Variants in RPS6KA2 observed in about 807,000 individuals in gnomAD.
RPS6KA2 encodes the protein ribosomal protein S6 kinase alpha-2.
Under a neutral mutation model 91.8 loss-of-function variants are expected in RPS6KA2, and 42 were observed. That is an observed-to-expected ratio of 0.46 (90% CI 0.36 to 0.59). The LOEUF (loss-of-function observed/expected upper bound fraction) is 0.59, where lower values mean the gene tolerates loss of function less well. Among genes scored for constraint, RPS6KA2 ranks in the 20% least tolerant of loss-of-function variants. The pLI is 0.00. For synonymous variants in RPS6KA2, 414 were observed against 393.6 expected (o/e 1.05, Z -0.61); for missense variants, 798 against 978.5 (o/e 0.82, Z 2.46).
Position 166,451,125 on chromosome 6 carries a change from A to T in RPS6KA2, c.1184T>A (p.Val395Asp). ...QEPSQQDLHK[V>D]PVHPIVQQLH... The stretch of plus-strand genomic sequence containing the variant: ...TACCTGCACGATTGGGTGAACTGGG[A>T]CTTTGTGCAGATCTTGCTGTGAGGG... The change falls in exon 13 of 21, where the codon GTC (valine) becomes GAC (aspartate). Residue 395 changes from valine (V) to aspartate (D), a missense_variant. Physicochemically the swap from Val to Asp is radical, Grantham distance 152. Coordinates refer to ENST00000265678, the MANE Select transcript of RPS6KA2 (RefSeq NM_021135.6). The T allele has an allele frequency of 1.9e-6, 3 of 1,614,090 alleles. No individual in the cohort carries two copies. Among genetic ancestry groups the T allele is most frequent in the Non-Finnish European group, 2.5e-6 (3 of 1,179,990 alleles).
At chr6:166,481,189 A>C (rs1451346804) in intron 10 of RPS6KA2, among the ~76,000 whole-genome samples, 1 of 152,250 alleles carries the variant, frequency 6.6e-6, no homozygotes, top group Non-Finnish European at 1.5e-5. Context: ...TCATTTTTCA[A>C]GTTTAAAAGG....
intron 1 of RPS6KA2, among the ~76,000 whole-genome samples, chr6:166,600,617 G>A (rs1785700735): frequency 6.6e-6 from 1 of 152,222 alleles, no homozygotes; most frequent in Admixed American, 6.5e-5. Context: ...GAACCTACGA[G>A]AGTCTAAAAA....
At chr6:166,804,675 T>C (rs773259616) in intron 2 of RPS6KA2, among the ~76,000 whole-genome samples, 4 of 152,194 alleles carry the variant, frequency 2.6e-5, no homozygotes, top group African/African-American at 4.8e-5. Flanking sequence ...TATCTCTTAT[T>C]GTTTTGTCCA....
At chr6:166,617,438 T>C (rs979229342) in intron 1 of RPS6KA2, among the ~76,000 whole-genome samples, 4 of 152,212 alleles carry the variant, frequency 2.6e-5, no homozygotes, top group Admixed American at 1.3e-4. Context: ...ATCAGCTATA[T>C]TGTGAGCCTA....
At chr6:166,519,663 C>T (rs1782778815) in intron 3 of RPS6KA2, among the ~76,000 whole-genome samples, 1 of 152,132 alleles carries the variant, frequency 6.6e-6, no homozygotes, top group Non-Finnish European at 1.5e-5. Context: ...GGTTTCCTTC[C>T]CAGGAAAACA....
chr6:166,731,602 G>A (rs1250667515), intron 2 of RPS6KA2, among the ~76,000 whole-genome samples: 1 of 152,018 alleles, frequency 6.6e-6, no homozygotes, highest in Non-Finnish European at 1.5e-5. Flanking sequence ...TGAAGACAAA[G>A]CAGGACAGAG....
At chr6:166,496,642 T>C (rs139028932) in intron 8 of RPS6KA2, among the ~76,000 whole-genome samples, 16 of 152,260 alleles carry the variant, frequency 1.1e-4, no homozygotes, top group African/African-American at 3.4e-4. Flanking sequence ...GTGGCAACAT[T>C]TTATGACCTT....
At chr6:166,760,201 G>A (rs967648353) in intron 2 of RPS6KA2, among the ~76,000 whole-genome samples, 1 of 152,160 alleles carries the variant, frequency 6.6e-6, no homozygotes, top group East Asian at 1.9e-4. Flanking sequence ...GCAAATCAGG[G>A]GCACCTGGGG....
intron 17 of RPS6KA2, among the ~76,000 whole-genome samples, chr6:166,422,341 A>T (rs1232018293): frequency 6.6e-6 from 1 of 152,178 alleles, no homozygotes; most frequent in African/African-American, 2.4e-5. Context: ...GCAATGGACC[A>T]GTGGCCCTGG....
rs753769790 is a variant in RPS6KA2, at chr6:166,437,440, C to T, written c.1333-4950G>A. Among the ~76,000 whole-genome samples the T allele has an allele frequency of 7.2e-5, 11 of 152,224 alleles. No homozygotes were observed. Among genetic ancestry groups the T allele is most frequent in the Non-Finnish European group, 1.5e-4 (10 of 68,034 alleles). ...GGCTGACGCTCAAATAATGCTGACG[C>T]GCCACGGAGTAGGAGTGGTGTCGTG... On this transcript the variant is annotated intron_variant, in intron 14 of 20. Coordinates refer to ENST00000265678, the MANE Select transcript of RPS6KA2 (RefSeq NM_021135.6). The surrounding 1 kb of genome is among the most constrained non-coding windows in gnomAD (Gnocchi z 4.3).
At chr6:166,755,707 T>C (rs981700082) in intron 2 of RPS6KA2, among the ~76,000 whole-genome samples, 1 of 152,186 alleles carries the variant, frequency 6.6e-6, no homozygotes, top group Non-Finnish European at 1.5e-5. Flanking sequence ...GTATGGAATA[T>C]AGGTAAGTTT....
intron 2 of RPS6KA2, among the ~76,000 whole-genome samples, chr6:166,786,572 T>C (rs550339465): frequency 6.6e-6 from 1 of 152,326 alleles, no homozygotes; most frequent in Non-Finnish European, 1.5e-5. Flanking sequence ...AAAAGTATTC[T>C]TTTTTGTAAT....
intron 11 of RPS6KA2, among the ~76,000 whole-genome samples, chr6:166,466,854 ACT>A (rs1203248672): frequency 6.6e-6 from 1 of 151,514 alleles, no homozygotes; most frequent in Admixed American, 6.6e-5. Context: ...TAACTCACTC[ACT>A]GACTCCCTTA....
intron 1 of RPS6KA2, among the ~76,000 whole-genome samples, chr6:166,571,421 G>A (rs1256545494): frequency 2.0e-5 from 3 of 152,184 alleles, no homozygotes; most frequent in South Asian, 2.1e-4. Flanking sequence ...ACACAAAAAC[G>A]TCTGAACTTT....
At chr6:166,600,875 C>T (rs1226018352) in intron 1 of RPS6KA2, among the ~76,000 whole-genome samples, 2 of 152,198 alleles carry the variant, frequency 1.3e-5, no homozygotes, top group African/African-American at 2.4e-5. Context: ...ATTTTAAACT[C>T]AGTCATTCTT....
At chr6:166,441,584 G>A (rs577594185) in intron 14 of RPS6KA2, among the ~76,000 whole-genome samples, 8 of 152,298 alleles carry the variant, frequency 5.3e-5, no homozygotes, top group African/African-American at 1.7e-4. Context: ...TTCTTTGCAG[G>A]ACCTGGCACT....
intron 2 of RPS6KA2, among the ~76,000 whole-genome samples, chr6:166,646,051 T>C (rs1787591481): frequency 6.6e-6 from 1 of 152,192 alleles, no homozygotes; most frequent in Admixed American, 6.5e-5. Context: ...AGGTTGTAAA[T>C]CAGAGTTGAT....
In RPS6KA2 at chr6:166,500,835, G is replaced by C. The variant is rs1394273819; in HGVS notation, c.604+52C>G. On this transcript the variant is annotated intron_variant, in intron 7 of 20. Transcript: ENST00000265678. The surrounding 1 kb of genome is among the most constrained non-coding windows in gnomAD (Gnocchi z 4.3). ...CTTGGGCTTTGAGGTGGTCCCCAAA[G>C]GTACCAGGGCTGAGATGAAGCCATG... 1 of 1,545,376 alleles carries C rather than the reference G, an allele frequency of 6.5e-7. No individual in the cohort carries two copies. The highest frequency in any genetic ancestry group is 8.9e-7 in the Non-Finnish European group (1 of 1,117,650).
At chr6:166,625,323 A>ACC (rs1338733933) in intron 1 of RPS6KA2, among the ~76,000 whole-genome samples, 13 of 30,392 alleles carry the variant, frequency 4.3e-4, no homozygotes, top group East Asian at 3.3e-3. Flanking sequence ...TATTCCCACC[A>ACC]CCCCCCCACC....
Sources: allele counts gnomAD v4.1 joint callset (sites outside exome capture counted in the v4.1 genomes callset), GRCh38; gene constraint gnomAD v4.1.1; non-coding constraint Gnocchi (gnomAD v3.1); transcripts MANE v1.5; gene names NCBI Gene and HGNC (gene_info 2026-07-23, HGNC 2026-07-21).